The following SLC66A3 variants were observed in gnomAD, a reference collection of about 807,000 sequenced individuals.
SLC66A3 encodes the protein solute carrier family 66 member 3, also known as PQ loop repeat containing 3.
A neutral mutation model predicts 25.5 loss-of-function variants in SLC66A3; 23 were observed. The observed-to-expected ratio is 0.90, with a 90% CI of 0.65 to 1.28. SLC66A3 has a LOEUF of 1.28. Ranked by LOEUF, SLC66A3 falls within the 50% of genes most tolerant of loss-of-function variation. The pLI is 0.00. For synonymous variants in SLC66A3, 108 were observed against 112.6 expected, an observed-to-expected ratio of 0.96 and a Z score of 0.26; for missense variants, 246 against 262.1, an observed-to-expected ratio of 0.94 and a Z score of 0.42.
chr2:11,176,518 G>C (rs189144197), intron 6 of SLC66A3, among the ~76,000 whole-genome samples: 1 of 142,352 alleles, frequency 7.0e-6, no homozygotes, highest in African/African-American at 2.6e-5. Context: ...GCCCGGCCTG[G>C]GAATAACTTT....
chr2:11,177,606 A>ATAAC, intron 6 of SLC66A3, 131 bp from the exon 7 acceptor site: 1 of 593,776 alleles, frequency 1.7e-6, no homozygotes, highest in South Asian at 2.3e-5. Flanking sequence ...TTCCCCAGAA[A>ATAAC]TAACTGGAAC....
At chr2:11,164,749 C>A (rs373452432) in intron 4 of SLC66A3, among the ~76,000 whole-genome samples, 12,280 of 150,854 alleles carry the variant, frequency 0.081, 738 homozygotes, top group African/African-American at 0.17. Context: ...CTTAACGAGC[C>A]TGCTGCCTTC....
At chr2:11,155,790 C>A in intron 1 of SLC66A3, 101 bp downstream of exon 1, 1 of 1,161,416 alleles carries the variant, frequency 8.6e-7, no homozygotes, top group Non-Finnish European at 1.1e-6. Flanking sequence ...GGGATGATCC[C>A]CGCGCGCCGG....
In SLC66A3 at chr2:11,178,531, T is replaced by C. The variant is rs1356023886; in HGVS notation, c.*703T>C. On this transcript the variant is annotated 3_prime_UTR_variant, in exon 7 of 7. Transcript: ENST00000295083. Reference sequence around the variant, plus strand: ...AGTAAGCTTTCTGATTCAAGTACAATGCTGCCATTTTTTAAAGGGCCACAA... The same window carrying C: ...AGTAAGCTTTCTGATTCAAGTACAACGCTGCCATTTTTTAAAGGGCCACAA... The C allele has an allele frequency of 6.6e-6, 1 of 152,642 alleles. No homozygotes were observed. The highest frequency in any genetic ancestry group is 2.4e-5 in the African/African-American group (1 of 41,462). 9.5% of individuals were successfully genotyped at this position (152,642 alleles called of 1,614,324 possible).
intron 4 of SLC66A3, among the ~76,000 whole-genome samples, chr2:11,167,274 G>A (rs993880901): frequency 2.6e-5 from 4 of 152,028 alleles, no homozygotes; most frequent in Admixed American, 6.5e-5. Context: ...GCGAAACCCC[G>A]TCTACTAAAA....
At chr2:11,160,348 C>T (rs192701320) in intron 1 of SLC66A3, 118 bp from the exon 2 acceptor site, 23 of 804,178 alleles carry the variant, frequency 2.9e-5, no homozygotes, top group African/African-American at 1.7e-4. Flanking sequence ...TTGACACTGG[C>T]GTGTCCACAC....
intron 1 of SLC66A3, among the ~76,000 whole-genome samples, chr2:11,158,282 C>A (rs191328859): frequency 5.9e-5 from 9 of 152,296 alleles, no homozygotes; most frequent in Admixed American, 2.0e-4. Context: ...CTTTGGGAGG[C>A]CGAGGCGGGC....
At chr2:11,156,933 T>G (rs1350642257) in intron 1 of SLC66A3, among the ~76,000 whole-genome samples, 1 of 152,004 alleles carries the variant, frequency 6.6e-6, no homozygotes, top group Non-Finnish European at 1.5e-5. Flanking sequence ...GTGGCTGTGG[T>G]GACTGTTCAG....
chr2:11,163,105 G>T (rs1026726878), intron 3 of SLC66A3, among the ~76,000 whole-genome samples: 3 of 152,264 alleles, frequency 2.0e-5, no homozygotes, highest in African/African-American at 7.2e-5. Flanking sequence ...AATGAGCCAT[G>T]TGTGGTGTCT....
At chr2:11,160,919 C>T (rs1330730305) in intron 3 of SLC66A3, 12 of 665,384 alleles carry the variant, frequency 1.8e-5, no homozygotes, top group South Asian at 5.9e-5. Context: ...GCCAGCAGGC[C>T]GAGTGGAAGG....
intron 1 of SLC66A3, among the ~76,000 whole-genome samples, chr2:11,157,110 T>A (rs1661933518): frequency 6.6e-6 from 1 of 152,192 alleles, no homozygotes; most frequent in South Asian, 2.1e-4. Context: ...GGCCTGCATT[T>A]CCACCACTTT....
At chr2:11,160,838 G>C in intron 3 of SLC66A3, 144 bp downstream of exon 3, 3 of 1,320,980 alleles carry the variant, frequency 2.3e-6, no homozygotes, top group Non-Finnish European at 3.1e-6. Flanking sequence ...ATGCAAACGT[G>C]TCCATGTACA....
chr2:11,160,137 G>A lies in SLC66A3; in HGVS notation c.144-329G>A, dbSNP rs183095467. Among the ~76,000 whole-genome samples the A allele has an allele frequency of 7.2e-5, 11 of 152,356 alleles. No homozygotes were observed. The East Asian group carries it at 7.7e-4, about 11-fold the overall frequency. ...CCAACATGGCAGGCAGGCCAGAAGCGTGGGCCCAGAAGGCCCAGTCTCATA... is the reference window on the plus strand; with the variant it reads ...CCAACATGGCAGGCAGGCCAGAAGCATGGGCCCAGAAGGCCCAGTCTCATA... On this transcript the variant is annotated intron_variant, in intron 1 of 6. Coordinates refer to ENST00000295083, the MANE Select transcript of SLC66A3 (RefSeq NM_152391.5).
intron 1 of SLC66A3, among the ~76,000 whole-genome samples, chr2:11,155,991 CCTG>C (rs1401143171): frequency 6.6e-6 from 1 of 152,204 alleles, no homozygotes; most frequent in Admixed American, 6.5e-5. Context: ...AGTGACAAAA[CCTG>C]CTGGCCCTGA....
intron 4 of SLC66A3, among the ~76,000 whole-genome samples, chr2:11,169,837 C>CTGTTTTTTT: frequency 1.1e-5 from 1 of 89,046 alleles, no homozygotes; most frequent in Non-Finnish European, 2.0e-5. Context: ...GGATTTCTCT[C>CTGTTTTTTT]TTTTTTTTTT....
intron 4 of SLC66A3, among the ~76,000 whole-genome samples, chr2:11,164,970 T>A (rs891654237): frequency 1.3e-5 from 2 of 152,230 alleles, no homozygotes; most frequent in Admixed American, 6.5e-5. Flanking sequence ...CTGATTTCTC[T>A]ATCTTTTCCC....
chr2:11,177,227 A>AG (rs1410928766), intron 6 of SLC66A3, among the ~76,000 whole-genome samples: 3 of 152,164 alleles, frequency 2.0e-5, no homozygotes, highest in African/African-American at 7.2e-5. Flanking sequence ...TGGGAGGCCA[A>AG]GGTGGGCAGA....
intron 4 of SLC66A3, among the ~76,000 whole-genome samples, chr2:11,167,060 T>C (rs1351919898): frequency 6.6e-6 from 1 of 152,174 alleles, no homozygotes; most frequent in Non-Finnish European, 1.5e-5. Context: ...TACTGATGAG[T>C]TGGGGTGGTT....
intron 1 of SLC66A3, among the ~76,000 whole-genome samples, chr2:11,159,003 T>G (rs927279970): frequency 6.6e-6 from 1 of 152,168 alleles, no homozygotes; most frequent in Non-Finnish European, 1.5e-5. Flanking sequence ...TTGTATGTTC[T>G]TGGTGTCTAT....
Sources: allele counts gnomAD v4.1 joint callset (sites outside exome capture counted in the v4.1 genomes callset), GRCh38; gene constraint gnomAD v4.1.1; transcripts MANE v1.5; gene names NCBI Gene and HGNC (gene_info 2026-07-23, HGNC 2026-07-21).